Variants in AUTS2 observed in about 807,000 individuals in gnomAD.
AUTS2 encodes the protein activator of transcription and developmental regulator AUTS2.
In AUTS2, 17 loss-of-function variants were observed where a neutral mutation model predicts 112.4. That is an observed-to-expected ratio of 0.15 (90% CI 0.10 to 0.23). AUTS2 has a LOEUF of 0.23. Among genes scored for constraint, AUTS2 ranks in the 10% least tolerant of loss-of-function variants. The pLI is 1.00. For synonymous variants in AUTS2, 751 were observed against 702.7 expected (o/e 1.07, Z -1.09); for missense variants, 1,510 against 1,701.6 (o/e 0.89, Z 1.98).
intron 5 of AUTS2, among the ~76,000 whole-genome samples, chr7:70,463,128 C>T (rs1178724570): frequency 6.6e-6 from 1 of 152,210 alleles, no homozygotes; most frequent in African/African-American, 2.4e-5. Flanking sequence ...ATCTACACAT[C>T]TCCTGTTTCA....
At chr7:70,267,583 A>G (rs376505968) in intron 4 of AUTS2, among the ~76,000 whole-genome samples, 12 of 152,132 alleles carry the variant, frequency 7.9e-5, no homozygotes, top group African/African-American at 2.9e-4. Context: ...CATGGCCTGA[A>G]TTTCGTTAGC....
chr7:70,215,000 C>T (rs186103998), intron 4 of AUTS2, among the ~76,000 whole-genome samples: 2 of 152,186 alleles, frequency 1.3e-5, no homozygotes, highest in South Asian at 4.1e-4. Flanking sequence ...AAGATAGATA[C>T]TAAGCCAGGC....
chr7:70,731,809 TC>T (rs530759719), intron 6 of AUTS2, among the ~76,000 whole-genome samples: 2 of 151,158 alleles, frequency 1.3e-5, no homozygotes, highest in African/African-American at 4.9e-5. Flanking sequence ...CCCTCCGCCA[TC>T]CCCCCCGCAC....
intron 2 of AUTS2, among the ~76,000 whole-genome samples, chr7:70,101,289 T>A (rs987810489): frequency 6.6e-6 from 1 of 152,166 alleles, no homozygotes; most frequent in Admixed American, 6.5e-5. Flanking sequence ...CTTATGCTAA[T>A]TGATGTTTTT....
At chr7:70,051,472 T>A (rs989298723) in intron 2 of AUTS2, among the ~76,000 whole-genome samples, 7 of 152,014 alleles carry the variant, frequency 4.6e-5, no homozygotes, top group Non-Finnish European at 7.4e-5. Flanking sequence ...ATCCCTGCAG[T>A]TTGGGAGGCC....
In AUTS2 at chr7:70,216,227, T is replaced by C. The variant is rs6944145; in HGVS notation, c.660+81656T>C. Among the ~76,000 whole-genome samples the C allele has an allele frequency of 8.3e-3, 1,268 of 152,316 alleles. 15 individuals are homozygous for C. Among genetic ancestry groups the C allele is most frequent in the African/African-American group, 0.03 (1,231 of 41,568 alleles). On this transcript the variant is annotated intron_variant, in intron 4 of 18. Coordinates refer to ENST00000342771, the MANE Select transcript of AUTS2 (RefSeq NM_015570.4). ...TCAAGTCCCAAATTTCCAGTGTACATATGTTTCATCTTATGTTTAATCTGG... is the reference window on the plus strand; with the variant it reads ...TCAAGTCCCAAATTTCCAGTGTACACATGTTTCATCTTATGTTTAATCTGG...
intron 4 of AUTS2, among the ~76,000 whole-genome samples, chr7:70,377,456 GTTTATA>G (rs1032208551): frequency 7.1e-6 from 1 of 141,310 alleles, no homozygotes; most frequent in African/African-American, 2.6e-5. Flanking sequence ...TATTTAAATA[GTTTATA>G]TTTAAACTAT....
intron 2 of AUTS2, among the ~76,000 whole-genome samples, chr7:69,942,128 T>C (rs1796648965): frequency 6.6e-6 from 1 of 152,210 alleles, no homozygotes; most frequent in Non-Finnish European, 1.5e-5. Flanking sequence ...TACTTGATTC[T>C]AGTTTTCTTG....
At chr7:70,639,365 T>C (rs1805689052) in intron 5 of AUTS2, among the ~76,000 whole-genome samples, 1 of 151,866 alleles carries the variant, frequency 6.6e-6, no homozygotes, top group African/African-American at 2.4e-5. Flanking sequence ...TTTCCCCCTC[T>C]CCTCTAAGAC....
At chr7:70,260,683 TC>T (rs1299326665) in intron 4 of AUTS2, among the ~76,000 whole-genome samples, 1 of 151,892 alleles carries the variant, frequency 6.6e-6, no homozygotes, top group Non-Finnish European at 1.5e-5. Context: ...AGTGCAGCAG[TC>T]CCACTCCTAG....
At chr7:70,553,760 CTTTTTTTTTT>C (rs71531706) in intron 5 of AUTS2, among the ~76,000 whole-genome samples, 1 of 56,116 alleles carries the variant, frequency 1.8e-5, no homozygotes, top group African/African-American at 7.6e-5. Context: ...GCCTTTCTTT[CTTTTTTTTTT>C]TTTTTTTTTT....
At chr7:69,624,934 GC>G (rs1006348117) in intron 1 of AUTS2, among the ~76,000 whole-genome samples, 6 of 86,100 alleles carry the variant, frequency 7.0e-5, no homozygotes, top group Non-Finnish European at 1.1e-4. Context: ...CGGTGCCCCC[GC>G]CCCCCACCCC....
intron 4 of AUTS2, among the ~76,000 whole-genome samples, chr7:70,361,964 A>G (rs1792289862): frequency 6.6e-6 from 1 of 152,228 alleles, no homozygotes; most frequent in African/African-American, 2.4e-5. Context: ...AGTTTAGGGT[A>G]GACTTAACCC....
At chr7:70,383,156 AT>A (rs533120378) in intron 4 of AUTS2, among the ~76,000 whole-genome samples, 62 of 146,970 alleles carry the variant, frequency 4.2e-4, no homozygotes, top group South Asian at 4.3e-4. Context: ...TTTGTTGTTG[AT>A]TTTTTTTTTT....
At chr7:69,625,008 T>C (rs1391598706) in intron 1 of AUTS2, among the ~76,000 whole-genome samples, 1 of 146,742 alleles carries the variant, frequency 6.8e-6, no homozygotes, top group Non-Finnish European at 1.5e-5. Flanking sequence ...ATCTGACCTC[T>C]GCTTTCAGGC....
intron 5 of AUTS2, among the ~76,000 whole-genome samples, chr7:70,667,863 G>A (rs1472498137): frequency 6.6e-6 from 1 of 152,226 alleles, no homozygotes; most frequent in South Asian, 2.1e-4. Flanking sequence ...CACCATTGCG[G>A]TCTTTGGACC....
At chr7:70,017,362 A>G (rs1800075342) in intron 2 of AUTS2, among the ~76,000 whole-genome samples, 1 of 152,216 alleles carries the variant, frequency 6.6e-6, no homozygotes, top group Non-Finnish European at 1.5e-5. Flanking sequence ...TTGTTCTGGT[A>G]TGTAAATTAG....
chr7:70,360,758 G>A (rs1792223578), intron 4 of AUTS2, among the ~76,000 whole-genome samples: 1 of 152,180 alleles, frequency 6.6e-6, no homozygotes, highest in Non-Finnish European at 1.5e-5. Context: ...GCCATGTGGA[G>A]TGCTGCATCT....
intron 1 of AUTS2, among the ~76,000 whole-genome samples, chr7:69,832,867 G>T (rs899574040): frequency 6.6e-6 from 1 of 152,108 alleles, no homozygotes; most frequent in Non-Finnish European, 1.5e-5. Context: ...GGGTAAAGTC[G>T]TAAAAATCAA....
Sources: allele counts gnomAD v4.1 joint callset (sites outside exome capture counted in the v4.1 genomes callset), GRCh38; gene constraint gnomAD v4.1.1; transcripts MANE v1.5; gene names NCBI Gene and HGNC (gene_info 2026-07-23, HGNC 2026-07-21).